The following CENPN variants were observed in gnomAD, a reference collection of about 807,000 sequenced individuals.
The protein encoded by CENPN is centromere protein N.
Under a neutral mutation model 48.6 loss-of-function variants are expected in CENPN, and 36 were observed. The ratio of observed to expected loss-of-function variants is 0.74; its 90% CI spans 0.57 to 0.98. The LOEUF is 0.98. CENPN is among the 50% of genes least tolerant of loss of function. The pLI is 0.00. For missense variants in CENPN, 439 were observed against 399.2 expected (o/e 1.10, Z -0.85); for synonymous variants, 166 against 135.2 (o/e 1.23, Z -1.58).
chr16:81,021,441 G>A (rs547715812), intron 6 of CENPN, among the ~76,000 whole-genome samples: 10 of 152,214 alleles, frequency 6.6e-5, no homozygotes, highest in Admixed American at 5.2e-4. Flanking sequence ...GGTTGTAGGC[G>A]AGCAGCTCCA....
At chr16:81,011,893 G>T in intron 1 of CENPN, 37 bp from the exon 2 acceptor site, 1 of 1,516,638 alleles carries the variant, frequency 6.6e-7, no homozygotes, top group Non-Finnish European at 9.1e-7. Context: ...ATTGTATTTG[G>T]TTAATACTTT....
chr16:81,012,155 C>A, intron 2 of CENPN, 45 bp downstream of exon 2: 1 of 1,560,602 alleles, frequency 6.4e-7, no homozygotes, highest in Non-Finnish European at 8.7e-7. Context: ...GTGCTACCCC[C>A]TTGGGTTTTT....
intron 8 of CENPN, among the ~76,000 whole-genome samples, chr16:81,026,067 A>ATC (rs537056825): frequency 7.4e-6 from 1 of 135,850 alleles, no homozygotes; most frequent in African/African-American, 2.7e-5. Context: ...ATATATATAT[A>ATC]TATGTGTGTG....
intron 8 of CENPN, among the ~76,000 whole-genome samples, chr16:81,025,325 A>ACTAAAGAACTACTAAAAG (rs1223150407): frequency 7.2e-5 from 11 of 152,370 alleles, no homozygotes; most frequent in Non-Finnish European, 1.6e-4. Flanking sequence ...CCCAAGAGAA[A>ACTAAAGAACTACTAAAAG]AGAGTACAGA....
intron 6 of CENPN, 172 bp from the exon 7 acceptor site, chr16:81,022,425 A>G (rs1010075943): frequency 1.7e-6 from 1 of 599,012 alleles, no homozygotes; most frequent in Non-Finnish European, 2.9e-6. Flanking sequence ...TAATGCCATT[A>G]ACCACTTTGT....
chr16:81,026,620 A>G lies in CENPN; in HGVS notation c.792A>G (p.Leu264=). 4 of 1,579,526 alleles carry G rather than the reference A, an allele frequency of 2.5e-6. No individual in the cohort carries two copies. The highest frequency in any genetic ancestry group is 3.5e-6 in the Non-Finnish European group (4 of 1,150,954). The part of the protein sequence containing the change: ...ETFGDYPQPQ[L]EFAQYKLETK... ...TTGGAGATTATCCTCAACCACAACT[A>G]GAATTTGCACAATATAAGGTAAGAT... is the stretch of plus-strand genomic sequence containing the variant. Residue 264 remains leucine (L), a synonymous_variant, in exon 9 of 11, where the codon CTA becomes CTG. Transcript: ENST00000305850.
rs181901938 is a variant in CENPN, at chr16:81,029,407, A to C, written c.*756A>C. ...TTCCTTTCTAATTTTTTATTTCTTT[A>C]TTTATTTATTGAGACAGGGTCTCAC... On this transcript the variant is annotated 3_prime_UTR_variant, in exon 11 of 11. Coordinates refer to ENST00000305850, the MANE Select transcript of CENPN (RefSeq NM_001100624.3). The C allele has an allele frequency of 4.1e-4, 243 of 598,124 alleles. No individual in the cohort carries two copies. In the African/African-American group the frequency reaches 4.6e-3, roughly 11 times the overall value. 37.1% of individuals were successfully genotyped at this position (598,124 alleles called of 1,614,324 possible). A position where few individuals can be genotyped will look rare whatever the true frequency, so the allele number is the denominator to read the frequency against.
rs985563549 is a variant in CENPN, at chr16:81,029,720, C to T, written c.*1069C>T. 6.6e-6 allele frequency among the ~76,000 whole-genome samples: 1 copy of T among 152,028 alleles called. No homozygotes were observed. The highest frequency in any genetic ancestry group is 1.5e-5 in the Non-Finnish European group (1 of 67,970). On this transcript the variant is annotated 3_prime_UTR_variant, in exon 11 of 11. Transcript: ENST00000305850. ...CCTCTGAGTAGCTGGGACTACAGGC[C>T]TGCACCACCATGCCCAGCTAATTTT...
At chr16:81,032,744 G>C, downstream of CENPN, 1 of 1,542,936 alleles carries the variant, frequency 6.5e-7, no homozygotes. Context: ...TCAAATGTAT[G>C]TCTCTCCTGA....
Position 81,022,657 on chromosome 16 carries a change from C to A in CENPN, c.592C>A (p.Leu198Met). Residue 198 changes from leucine to methionine, a missense_variant, in exon 7 of 11, where the codon CTG becomes ATG. Leu to Met is a conservative substitution (Grantham distance 15). Transcript: ENST00000305850. ...GAAAATGGACCTGAGAAGTCGGTAT[C>A]TGGACTCTCTTAAGGCTATTGTTTT... ...IVKMDLRSRYLDSLKAIVFKQ... is the reference protein window; with the variant it reads ...IVKMDLRSRYMDSLKAIVFKQ... The A allele has an allele frequency of 6.2e-7, 1 of 1,614,072 alleles. No homozygotes were observed. Among genetic ancestry groups the A allele is most frequent in the African/African-American group, 1.3e-5 (1 of 75,038 alleles).
rs1970505573 is a variant in CENPN at position 81,026,562 on chromosome 16, AAG to A, written c.741_742del (p.Arg247SerfsTer23). On this transcript the variant is annotated frameshift_variant, in exon 9 of 11. Transcript: ENST00000305850. LOFTEE classifies it high-confidence loss of function. ...ATCATTCATGAAAACATAGTAGAAA[AAG>A]AGAGAGTCCAACGAATAACTCAAGA... is the stretch of plus-strand genomic sequence containing the variant. 3 of 1,605,652 alleles carry A rather than the reference AAG, an allele frequency of 1.9e-6. No individual in the cohort carries two copies. Among genetic ancestry groups the A allele is most frequent in the African/African-American group, 1.3e-5 (1 of 74,704 alleles).
intron 6 of CENPN, 43 bp downstream of exon 6, chr16:81,020,319 A>G (rs778151185): frequency 1.3e-6 from 2 of 1,561,550 alleles, no homozygotes; most frequent in East Asian, 2.3e-5. Flanking sequence ...TTATTATCCT[A>G]TCTCAAAGGT....
chr16:81,017,888 C>G, intron 5 of CENPN, 54 bp downstream of exon 5: 1 of 1,076,876 alleles, frequency 9.3e-7, no homozygotes, highest in Non-Finnish European at 1.4e-6. Flanking sequence ...CGTCTGTGCA[C>G]TTAAAATTTG....
chr16:81,020,076 CCT>C lies in CENPN; in HGVS notation c.355-23_355-22del. The C allele has an allele frequency of 3.5e-6, 5 of 1,432,878 alleles. No homozygotes were observed. In the South Asian group the frequency reaches 3.7e-5, roughly 11 times the overall value. The allele number at this position is 1,432,878 out of a possible 1,614,324, so 88.8% of individuals were successfully genotyped here. On this transcript the variant is annotated intron_variant, in intron 5 of 10. Coordinates refer to ENST00000305850, the MANE Select transcript of CENPN (RefSeq NM_001100624.3). ...GTGAAATTTTAATTAGGAAATTAAG[CCT>C]TTTTTTTTTTTCTTTAATAAGGTGA...
At chr16:81,022,759 T>G in intron 7 of CENPN, 61 bp downstream of exon 7, 3 of 1,614,116 alleles carry the variant, frequency 1.9e-6, no homozygotes, top group Non-Finnish European at 2.5e-6. Context: ...ACACAGGAGT[T>G]AGAAGCTACT....
chr16:81,012,560 T>A (rs948696512), intron 2 of CENPN, among the ~76,000 whole-genome samples: 1 of 152,222 alleles, frequency 6.6e-6, no homozygotes, highest in Non-Finnish European at 1.5e-5. Context: ...ATTTTCTTAT[T>A]CCAATATACC....
chr16:81,017,207 A>G, intron 3 of CENPN, 119 bp from the exon 4 acceptor site: 1 of 698,420 alleles, frequency 1.4e-6, no homozygotes, highest in East Asian at 2.7e-5. Context: ...ACAAATCTGT[A>G]TAACTCAATT....
At chr16:81,018,299 G>A (rs1010478004) in intron 5 of CENPN, among the ~76,000 whole-genome samples, 6 of 151,770 alleles carry the variant, frequency 4.0e-5, no homozygotes, top group East Asian at 1.9e-4. Context: ...TCTGCCTCCC[G>A]AGTAGCTGGG....
At chr16:81,023,739 C>G (rs562669952) in intron 7 of CENPN, 2 of 152,212 alleles carry the variant, frequency 1.3e-5, no homozygotes, top group East Asian at 3.9e-4. Context: ...GAGTTCAAGA[C>G]CAGCTTGGGC....
Sources: allele counts gnomAD v4.1 joint callset (sites outside exome capture counted in the v4.1 genomes callset), GRCh38; gene constraint gnomAD v4.1.1; transcripts MANE v1.5; gene names NCBI Gene and HGNC (gene_info 2026-07-23, HGNC 2026-07-21).